CAAP1: variants seen among roughly 807,000 people sequenced by gnomAD.
CAAP1 encodes the protein conserved anti-apoptotic protein.
In CAAP1, 20 loss-of-function variants were observed where a neutral mutation model predicts 34.0. That is an observed-to-expected ratio of 0.59 (90% CI 0.41 to 0.86). The LOEUF (loss-of-function observed/expected upper bound fraction) is 0.86, where lower values mean the gene tolerates loss of function less well. CAAP1 is among the 40% of genes least tolerant of loss of function. The pLI is 0.00. For missense variants in CAAP1, 538 were observed against 450.5 expected (o/e 1.19, Z -1.76); for synonymous variants, 213 against 166.7 (o/e 1.28, Z -2.14).
intron 1 of CAAP1, among the ~76,000 whole-genome samples, chr9:26,888,328 C>A (rs140651740): frequency 6.6e-6 from 1 of 152,188 alleles, no homozygotes; most frequent in Non-Finnish European, 1.5e-5. Context: ...TTGAATTACT[C>A]GACTGTAACC....
At chr9:26,846,636 T>C (rs1344626208) in intron 5 of CAAP1, among the ~76,000 whole-genome samples, 3 of 152,076 alleles carry the variant, frequency 2.0e-5, no homozygotes, top group Admixed American at 1.3e-4. Context: ...AGTTCATTCT[T>C]GTAAAAGGTT....
intron 5 of CAAP1, among the ~76,000 whole-genome samples, chr9:26,850,355 C>A (rs1299659983): frequency 6.6e-6 from 1 of 152,072 alleles, no homozygotes; most frequent in East Asian, 1.9e-4. Flanking sequence ...AACATGACTA[C>A]CCCAAAAATG....
intron 1 of CAAP1, among the ~76,000 whole-genome samples, chr9:26,891,795 A>C (rs969798722): frequency 1.3e-5 from 2 of 152,214 alleles, no homozygotes; most frequent in South Asian, 4.1e-4. Context: ...GAGGGGCAAG[A>C]AAAGGGACTT....
At chr9:26,883,110 A>G (rs1823638590) in intron 4 of CAAP1, among the ~76,000 whole-genome samples, 1 of 152,166 alleles carries the variant, frequency 6.6e-6, no homozygotes, top group Admixed American at 6.5e-5. Flanking sequence ...TTAATGCTGA[A>G]ATGAGTTAAG....
chr9:26,871,532 G>A (rs758351676), intron 4 of CAAP1, among the ~76,000 whole-genome samples: 8 of 148,394 alleles, frequency 5.4e-5, no homozygotes, highest in Middle Eastern at 3.7e-3. Context: ...AGCCAAGATC[G>A]TGCCACTGCA....
At chr9:26,861,741 G>A (rs1486278038) in intron 4 of CAAP1, among the ~76,000 whole-genome samples, 1 of 152,044 alleles carries the variant, frequency 6.6e-6, no homozygotes, top group African/African-American at 2.4e-5. Context: ...CAGCAAAAAG[G>A]TCAAGAAATT....
intron 4 of CAAP1, among the ~76,000 whole-genome samples, chr9:26,876,130 T>A (rs1161223104): frequency 6.6e-6 from 1 of 152,158 alleles, no homozygotes; most frequent in African/African-American, 2.4e-5. Context: ...CAGGGAAAAA[T>A]CTACTTCCAT....
chr9:26,881,393 A>G (rs1253111355), intron 4 of CAAP1, among the ~76,000 whole-genome samples: 1 of 152,176 alleles, frequency 6.6e-6, no homozygotes, highest in East Asian at 1.9e-4. Context: ...ATTCCCACAT[A>G]TTGTAGGAGC....
intron 5 of CAAP1, among the ~76,000 whole-genome samples, chr9:26,843,145 C>A (rs1046700971): frequency 3.3e-5 from 5 of 152,220 alleles, no homozygotes; most frequent in Non-Finnish European, 7.3e-5. Flanking sequence ...CCAATCTTTT[C>A]ATACGCTTTT....
chr9:26,887,592 C>A, intron 1 of CAAP1, 79 bp from the exon 2 acceptor site: 2 of 826,558 alleles, frequency 2.4e-6, no homozygotes, highest in South Asian at 2.2e-5. Context: ...CATACGTTTT[C>A]ATTTAATAAA....
intron 4 of CAAP1, among the ~76,000 whole-genome samples, chr9:26,882,419 T>C (rs989008839): frequency 6.6e-6 from 1 of 152,122 alleles, no homozygotes; most frequent in Non-Finnish European, 1.5e-5. Flanking sequence ...GCAGCTTCCA[T>C]GTGGGGTTGA....
At chr9:26,848,562 T>C (rs1362747318) in intron 5 of CAAP1, among the ~76,000 whole-genome samples, 1 of 152,192 alleles carries the variant, frequency 6.6e-6, no homozygotes, top group Non-Finnish European at 1.5e-5. Flanking sequence ...TTTCATTGGA[T>C]ATTCTATTTA....
chr9:26,859,306 A>C (rs922675676), intron 5 of CAAP1, among the ~76,000 whole-genome samples: 3 of 152,188 alleles, frequency 2.0e-5, no homozygotes, highest in Non-Finnish European at 4.4e-5. Flanking sequence ...TAAAGAAATC[A>C]CAGTACAACA....
At chr9:26,848,595 C>G (rs556746643) in intron 5 of CAAP1, among the ~76,000 whole-genome samples, 15 of 152,318 alleles carry the variant, frequency 9.8e-5, no homozygotes, top group African/African-American at 3.4e-4. Context: ...GAAAGCAAAC[C>G]TATGCCACAA....
chr9:26,852,434 G>T (rs1373591499), intron 5 of CAAP1, among the ~76,000 whole-genome samples: 4 of 151,822 alleles, frequency 2.6e-5, no homozygotes, highest in African/African-American at 9.7e-5. Flanking sequence ...CAGCCTGGGT[G>T]ACAGAGAGAG....
chr9:26,869,144 A>G (rs1028326110), intron 4 of CAAP1, among the ~76,000 whole-genome samples: 3 of 152,138 alleles, frequency 2.0e-5, no homozygotes, highest in Non-Finnish European at 4.4e-5. Context: ...GAGTTGATAC[A>G]CTATTGTTTC....
At position 26,892,765 on chromosome 9, in the gene CAAP1, C is replaced by T. The variant is rs1203572238; in HGVS notation, c.-50G>A. On this transcript the variant is annotated 5_prime_UTR_variant, in exon 1 of 6. Coordinates refer to ENST00000333916, the MANE Select transcript of CAAP1 (RefSeq NM_024828.4). ...GGAAAGTCCGCTGTCTCTGGTGCGA[C>T]CGAAGCCCGACTCCTGCGGCCGTGG... 6.6e-7 allele frequency: 1 copy of T among 1,510,606 alleles called. No homozygotes were observed. Among genetic ancestry groups the T allele is most frequent in the South Asian group, 1.3e-5 (1 of 77,848 alleles). The allele number at this position is 1,510,606 out of a possible 1,614,324, so 93.6% of individuals were successfully genotyped here.
At chr9:26,858,193 T>G (rs1048514902) in intron 5 of CAAP1, among the ~76,000 whole-genome samples, 1 of 152,226 alleles carries the variant, frequency 6.6e-6, no homozygotes, top group Non-Finnish European at 1.5e-5. Context: ...GAGCTCACTG[T>G]GAACAAAAAT....
intron 5 of CAAP1, among the ~76,000 whole-genome samples, chr9:26,854,161 C>T (rs898314975): frequency 2.0e-5 from 3 of 152,126 alleles, no homozygotes; most frequent in Non-Finnish European, 2.9e-5. Context: ...GAAATAATTA[C>T]AAGGGCTGAT....
Sources: gnomAD v4.1 joint callset for allele counts (sites outside exome capture counted in the v4.1 genomes callset) on GRCh38, gnomAD v4.1.1 for gene constraint, MANE v1.5 for transcripts, NCBI Gene and HGNC (gene_info 2026-07-23, HGNC 2026-07-21) for gene names.